Variants in SUPV3L1 observed in about 807,000 individuals in gnomAD.
SUPV3L1 encodes the protein Suv3 like RNA helicase.
SUPV3L1 carries 35 observed loss-of-function variants against 70.0 expected under a neutral mutation model. The ratio of observed to expected loss-of-function variants is 0.50; its 90% CI spans 0.38 to 0.66. The LOEUF (loss-of-function observed/expected upper bound fraction) is 0.66. SUPV3L1 is among the 30% of genes least tolerant of loss of function. The pLI, the probability that SUPV3L1 is intolerant of heterozygous loss-of-function variation, is 0.00. For missense variants in SUPV3L1, 777 were observed against 961.5 expected (o/e 0.81, Z 2.54); for synonymous variants, 364 against 341.9 (o/e 1.06, Z -0.71).
chr10:69,188,975 G>A lies in SUPV3L1; in HGVS notation c.573-292G>A, dbSNP rs1392454176. Among the ~76,000 whole-genome samples the A allele has an allele frequency of 2.0e-5, 3 of 152,214 alleles. No homozygotes were observed. In the East Asian group the frequency reaches 5.8e-4, roughly 29 times the overall value. ...ATGTGAACATAGTATGGAACTGATA[G>A]CAGCTTAAATTTATTTTTAGTAACC... On this transcript the variant is annotated intron_variant, in intron 4 of 14. Transcript: ENST00000359655.
At position 69,186,048 on chromosome 10, in the gene SUPV3L1, T is replaced by C. The variant is rs753331879; in HGVS notation, c.333T>C (p.Ala111=). 4 of 1,613,872 alleles carry C rather than the reference T, an allele frequency of 2.5e-6. No individual in the cohort carries two copies. In the Admixed American group the frequency reaches 6.7e-5, roughly 27 times the overall value. ...YKRKEIQKLG[A]DYGLDARLFH... is the part of the protein sequence containing the mutation. ...GGAAAGAAATTCAGAAACTGGGTGC[T>C]GATTATGGACTTGATGGTAAGGCCC... The change falls in exon 2 of 15, where the codon GCT becomes GCC. Residue 111 remains alanine (A), a synonymous_variant. Transcript: ENST00000359655.
chr10:69,208,101 C>T (rs138118055), intron 14 of SUPV3L1, among the ~76,000 whole-genome samples, 160 bp downstream of exon 14: 2 of 152,310 alleles, frequency 1.3e-5, no homozygotes, highest in African/African-American at 4.8e-5. Context: ...AATGGTTTCC[C>T]ATTCCAAAAA....
rs1422909124 is a variant in SUPV3L1, at chr10:69,189,374, G to A, written c.680G>A (p.Gly227Glu). 1.2e-6 allele frequency: 2 copies of A among 1,614,046 alleles called. No individual in the cohort carries two copies. The highest frequency in any genetic ancestry group is 1.7e-6 in the Non-Finnish European group (2 of 1,179,982). The change falls in exon 5 of 15, where the codon GGA becomes GAA. Residue 227 changes from glycine to glutamate, a missense_variant. Physicochemically the swap from Gly to Glu is moderately conservative, Grantham distance 98 (BLOSUM62 -2). Coordinates refer to ENST00000359655, the MANE Select transcript of SUPV3L1 (RefSeq NM_003171.5). ...CAGAAATACTTCTCAGCAAAGTCTG[G>A]AGTGTATTGTGGCCCTCTAAAATTA... Reference protein sequence around the residue: ...AIQKYFSAKSGVYCGPLKLLA... With the variant: ...AIQKYFSAKSEVYCGPLKLLA...
At chr10:69,207,770 C>T in intron 13 of SUPV3L1, 23 bp from the exon 14 acceptor site, 1 of 1,601,556 alleles carries the variant, frequency 6.2e-7, no homozygotes, top group Non-Finnish European at 8.5e-7. Context: ...TTCTCTGAAA[C>T]CCTTTTCCTC....
intron 1 of SUPV3L1, among the ~76,000 whole-genome samples, chr10:69,181,496 C>T (rs185272308): frequency 1.3e-5 from 2 of 152,328 alleles, no homozygotes; most frequent in Non-Finnish European, 2.9e-5. Context: ...TATTCTTTGA[C>T]ATATTCTTCC....
chr10:69,198,529 TTA>T lies in SUPV3L1; in HGVS notation c.1187_1188del (p.Tyr396TrpfsTer16). On this transcript the variant is annotated frameshift_variant, in exon 9 of 15. Coordinates refer to ENST00000359655, the MANE Select transcript of SUPV3L1 (RefSeq NM_003171.5). LOFTEE classifies it high-confidence loss of function. ...GAAATTCGGGGATTAGAATCAGCTG[TTA>T]TATATGGCAGTCTCCCACCTGGTAA... The T allele has an allele frequency of 1.2e-6, 2 of 1,614,062 alleles. No individual in the cohort carries two copies. Among genetic ancestry groups the T allele is most frequent in the Non-Finnish European group, 1.7e-6 (2 of 1,179,992 alleles).
intron 1 of SUPV3L1, among the ~76,000 whole-genome samples, chr10:69,183,035 C>T (rs1265456009): frequency 6.6e-6 from 1 of 152,134 alleles, no homozygotes; most frequent in Non-Finnish European, 1.5e-5. Context: ...CGCTGCCTAC[C>T]AGGTGTCTCC....
intron 4 of SUPV3L1, among the ~76,000 whole-genome samples, chr10:69,188,513 T>TTG (rs1434314503): frequency 1.3e-5 from 2 of 151,558 alleles, no homozygotes. Flanking sequence ...TTTTGTTTGT[T>TTG]TTTGAGAGAG....
At chr10:69,189,925 C>T (rs929454679) in intron 5 of SUPV3L1, among the ~76,000 whole-genome samples, 2 of 152,254 alleles carry the variant, frequency 1.3e-5, no homozygotes, top group Non-Finnish European at 2.9e-5. Flanking sequence ...GGATTACAGG[C>T]GTGAGCCACC....
intron 10 of SUPV3L1, among the ~76,000 whole-genome samples, chr10:69,199,951 C>G (rs1842642176): frequency 6.6e-6 from 1 of 152,166 alleles, no homozygotes; most frequent in African/African-American, 2.4e-5. Context: ...CTCAAGCGGT[C>G]TTTGTGCCTC....
At position 69,189,336 on chromosome 10, in the gene SUPV3L1, T is replaced by A; in HGVS notation, c.642T>A (p.Thr214=). Residue 214 remains threonine, a synonymous_variant, in exon 5 of 15, where the codon ACT becomes ACA. Transcript: ENST00000359655. ...CAGGCCCCACAAACAGTGGAAAGAC[T>A]TATCACGCAATCCAGAAATACTTCT... The part of the protein sequence containing the change: ...FHSGPTNSGK[T]YHAIQKYFSA... The A allele has an allele frequency of 6.2e-7, 1 of 1,614,160 alleles. No homozygotes were observed. Among genetic ancestry groups the A allele is most frequent in the Non-Finnish European group, 8.5e-7 (1 of 1,180,010 alleles).
At position 69,189,403 on chromosome 10, in the gene SUPV3L1, G is replaced by T; in HGVS notation, c.709G>T (p.Ala237Ser). 1.2e-6 allele frequency: 2 copies of T among 1,611,568 alleles called. No homozygotes were observed. Among genetic ancestry groups the T allele is most frequent in the Non-Finnish European group, 1.7e-6 (2 of 1,178,878 alleles). ...GVYCGPLKLL[A>S]HEIFEKSNAA... is the part of the protein sequence containing the mutation. ...GTATTGTGGCCCTCTAAAATTACTG[G>T]CACATGAGATCTTCGAAAAGAGTAA... The change falls in exon 5 of 15, where the codon GCA (alanine) becomes TCA (serine). Residue 237 changes from alanine to serine, a missense_variant. Coordinates refer to ENST00000359655, the MANE Select transcript of SUPV3L1 (RefSeq NM_003171.5).
intron 6 of SUPV3L1, among the ~76,000 whole-genome samples, chr10:69,194,158 A>T (rs1485545355): frequency 6.6e-6 from 1 of 152,154 alleles, no homozygotes; most frequent in Non-Finnish European, 1.5e-5. Flanking sequence ...TTGCAAAAAA[A>T]CAGGACAAGT....
chr10:69,201,537 C>CTT (rs35634841), intron 11 of SUPV3L1, among the ~76,000 whole-genome samples: 3,192 of 137,556 alleles, frequency 0.023, 62 homozygotes, highest in African/African-American at 0.058. Context: ...TTTTTCTTTC[C>CTT]TTTTTTTTTT....
At chr10:69,203,663 CAA>C (rs1307849343) in intron 13 of SUPV3L1, among the ~76,000 whole-genome samples, 3 of 88,796 alleles carry the variant, frequency 3.4e-5, no homozygotes, top group Non-Finnish European at 4.4e-5. Context: ...GACTCTGTCT[CAA>C]AAAAAAAAAA....
At chr10:69,196,939 G>A in intron 7 of SUPV3L1, 53 bp from the exon 8 acceptor site, 1 of 1,491,120 alleles carries the variant, frequency 6.7e-7, no homozygotes, top group South Asian at 1.1e-5. Context: ...GTAAAATGTT[G>A]TATATTTAAT....
intron 1 of SUPV3L1, 102 bp downstream of exon 1, chr10:69,180,664 A>G: frequency 6.7e-7 from 1 of 1,488,826 alleles, no homozygotes; most frequent in Non-Finnish European, 9.0e-7. Flanking sequence ...CCGAGGTCCC[A>G]TCGAGTGTTG....
At position 69,191,747 on chromosome 10, in the gene SUPV3L1, G is replaced by T; in HGVS notation, c.834G>T (p.Met278Ile). ...CACATGTTTCTTGTACAGTTGAGAT[G>T]TGCAGTGTTACAACTCCTTGTATGT... is the stretch of plus-strand genomic sequence containing the variant. ...QASHVSCTVE[M>I]CSVTTPYEVA... Residue 278 changes from methionine to isoleucine, a missense_variant, in exon 6 of 15, where the codon ATG (methionine) becomes ATT (isoleucine). Around this residue, in one of 2 missense-constraint regions of SUPV3L1, gnomAD observed 619 missense variants for 823.3 expected, o/e 0.75. Transcript: ENST00000359655. 1 of 1,613,374 alleles carries T rather than the reference G, an allele frequency of 6.2e-7. No homozygotes were observed. The highest frequency in any genetic ancestry group is 8.5e-7 in the Non-Finnish European group (1 of 1,179,618).
In SUPV3L1 at chr10:69,209,023, T is replaced by A; in HGVS notation, c.2349T>A (p.Pro783=). 1 of 1,544,704 alleles carries A rather than the reference T, an allele frequency of 6.5e-7. No homozygotes were observed. Among genetic ancestry groups the A allele is most frequent in the South Asian group, 1.2e-5 (1 of 81,680 alleles). The change falls in exon 15 of 15, where the codon CCT becomes CCA. Residue 783 remains proline (P), a synonymous_variant. Transcript: ENST00000359655. ...PKGTRRKKKE[P]DSD Reference sequence around the variant, plus strand: ...GGACGAGAAGAAAGAAGAAGGAACCTGATTCGGACTAGTTTTCTGTTCCTG... The same window carrying A: ...GGACGAGAAGAAAGAAGAAGGAACCAGATTCGGACTAGTTTTCTGTTCCTG...
Sources: gnomAD v4.1 joint callset for allele counts (sites outside exome capture counted in the v4.1 genomes callset) on GRCh38, gnomAD v4.1.1 for gene constraint, gnomAD v4.1.1 regional missense constraint, MANE v1.5 for transcripts, NCBI Gene and HGNC (gene_info 2026-07-23, HGNC 2026-07-21) for gene names.